Variants in HTR4 observed in about 807,000 individuals in gnomAD.
HTR4 encodes the protein 5-hydroxytryptamine (serotonin) receptor 4, G protein-coupled.
A neutral mutation model predicts 36.8 loss-of-function variants in HTR4; 16 were observed. That is an observed-to-expected ratio of 0.43 (90% CI 0.29 to 0.66). HTR4 has a LOEUF of 0.66. Ranked by LOEUF, HTR4 falls within the 30% of genes least tolerant of loss-of-function variation. The probability of loss-of-function intolerance (pLI) is 0.13; values close to 1 mark genes in which losing one functional copy is unlikely to be tolerated. For synonymous variants in HTR4, 189 were observed against 185.1 expected (o/e 1.02, Z -0.17); for missense variants, 438 against 490.9 (o/e 0.89, Z 1.02).
At chr5:148,477,444 T>C (rs1179421864), downstream of HTR4, among the ~76,000 whole-genome samples, 1 of 152,158 alleles carries the variant, frequency 6.6e-6, no homozygotes, top group Non-Finnish European at 1.5e-5. Flanking sequence ...AATCCATCCA[T>C]TTCAAGGATT....
intron 4 of HTR4, among the ~76,000 whole-genome samples, chr5:148,526,436 T>C (rs1413226163): frequency 6.6e-6 from 1 of 152,178 alleles, no homozygotes; most frequent in African/African-American, 2.4e-5. Context: ...TGCCCTATCT[T>C]TGTTGTGTAA....
intron 6 of HTR4, among the ~76,000 whole-genome samples, chr5:148,507,926 TC>T (rs944967643): frequency 5.3e-5 from 8 of 152,182 alleles, no homozygotes; most frequent in Non-Finnish European, 1.0e-4. Context: ...ATGGTTGAAT[TC>T]TTTCTATGAC....
chr5:148,487,576 C>G (rs2005953), intron 6 of HTR4, among the ~76,000 whole-genome samples: 74,334 of 151,970 alleles, frequency 0.49, 19,031 homozygotes, highest in African/African-American at 0.65. Context: ...CAGGAGTGAG[C>G]CAGAGAGAGC....
intron 2 of HTR4, chr5:148,628,514 AT>A (rs1753205094): frequency 6.6e-6 from 1 of 152,194 alleles, no homozygotes; most frequent in Non-Finnish European, 1.5e-5. Flanking sequence ...GTTGAGTGAC[AT>A]TTTAATCTAA....
chr5:148,475,318 C>A (rs1053056079), downstream of HTR4, among the ~76,000 whole-genome samples: 5 of 152,028 alleles, frequency 3.3e-5, no homozygotes, highest in African/African-American at 1.2e-4. Flanking sequence ...TCAATCCAGT[C>A]AAAATTTTTT....
At chr5:148,468,673 T>C (rs537170606) in intron 5 of HTR4, among the ~76,000 whole-genome samples, 1 of 152,112 alleles carries the variant, frequency 6.6e-6, no homozygotes, top group South Asian at 2.1e-4. Flanking sequence ...GTCTACAAAG[T>C]GTATTTTATT....
chr5:148,646,896 C>T (rs1753889102), intron 1 of HTR4, among the ~76,000 whole-genome samples: 1 of 152,106 alleles, frequency 6.6e-6, no homozygotes, highest in Non-Finnish European at 1.5e-5. Context: ...CTAAGTTATC[C>T]CACAAACAAC....
chr5:148,484,232 G>C, intron 6 of HTR4: 1 of 1,599,380 alleles, frequency 6.3e-7, no homozygotes, highest in Non-Finnish European at 8.5e-7. Context: ...AAAATGTTGA[G>C]CAAGATAAAA....
At chr5:148,537,606 CCT>C (rs1758888668) in intron 4 of HTR4, among the ~76,000 whole-genome samples, 2 of 152,046 alleles carry the variant, frequency 1.3e-5, no homozygotes, top group Admixed American at 6.6e-5. Flanking sequence ...ACTATAAAGA[CCT>C]CTATGCACAC....
chr5:148,513,422 G>C (rs1757589224), intron 5 of HTR4, among the ~76,000 whole-genome samples: 1 of 152,198 alleles, frequency 6.6e-6, no homozygotes, highest in African/African-American at 2.4e-5. Flanking sequence ...GCACTGCAGT[G>C]TAAACTTGGT....
At chr5:148,610,956 G>C (rs984652595) in intron 2 of HTR4, among the ~76,000 whole-genome samples, 13 of 151,074 alleles carry the variant, frequency 8.6e-5, no homozygotes, top group African/African-American at 3.2e-4. Flanking sequence ...ATGAAATGAA[G>C]CAAGAAGGAA....
At chr5:148,537,943 C>T (rs1397966908) in intron 4 of HTR4, among the ~76,000 whole-genome samples, 2 of 151,902 alleles carry the variant, frequency 1.3e-5, no homozygotes, top group East Asian at 3.9e-4. Context: ...AGAAGTCAGG[C>T]CAGTATCCTT....
chr5:148,521,055 T>C (rs1347285859), intron 5 of HTR4: 18 of 1,342,602 alleles, frequency 1.3e-5, no homozygotes, highest in Non-Finnish European at 1.8e-5. Flanking sequence ...TTGCTCTTAA[T>C]CTCTCCTCTC....
intron 1 of HTR4, among the ~76,000 whole-genome samples, chr5:148,647,554 A>G (rs1428335336): frequency 6.6e-6 from 1 of 152,180 alleles, no homozygotes; most frequent in African/African-American, 2.4e-5. Flanking sequence ...TTAGTGGTTA[A>G]TAAGGTGGTT....
intron 2 of HTR4, among the ~76,000 whole-genome samples, chr5:148,636,722 AT>A (rs1452849342): frequency 2.0e-5 from 3 of 152,182 alleles, no homozygotes; most frequent in Admixed American, 6.6e-5. Flanking sequence ...TATTACAGAG[AT>A]GAATATCTAT....
chr5:148,627,275 T>C (rs1166119347), intron 2 of HTR4, among the ~76,000 whole-genome samples: 1 of 152,216 alleles, frequency 6.6e-6, no homozygotes, highest in Non-Finnish European at 1.5e-5. Context: ...AACTTCCATA[T>C]TTAGTTGTCT....
intron 2 of HTR4, among the ~76,000 whole-genome samples, chr5:148,583,073 G>C (rs1354315135): frequency 6.6e-6 from 1 of 151,336 alleles, no homozygotes; most frequent in African/African-American, 2.4e-5. Context: ...CTGTGGGTTT[G>C]TCATAGATAG....
intron 4 of HTR4, among the ~76,000 whole-genome samples, chr5:148,545,049 G>C (rs926487755): frequency 3.9e-5 from 6 of 152,212 alleles, no homozygotes; most frequent in Admixed American, 6.5e-5. Flanking sequence ...GAAGGACACA[G>C]CAAAAACAGA....
chr5:148,481,068 C>T (rs187288336), downstream of HTR4, among the ~76,000 whole-genome samples: 1,355 of 152,314 alleles, frequency 8.9e-3, 12 homozygotes, highest in Middle Eastern at 0.031. Flanking sequence ...TGTACTCCTC[C>T]CACCAATGTG....
Sources: allele counts gnomAD v4.1 joint callset (sites outside exome capture counted in the v4.1 genomes callset), GRCh38; gene constraint gnomAD v4.1.1; transcripts MANE v1.5; gene names NCBI Gene and HGNC (gene_info 2026-07-23, HGNC 2026-07-21).